The following FHIT variants were observed in gnomAD, a reference collection of about 807,000 sequenced individuals.
FHIT encodes the protein fragile histidine triad diadenosine triphosphatase.
A neutral mutation model predicts 17.9 loss-of-function variants in FHIT; 19 were observed. The observed-to-expected ratio is 1.06, with a 90% CI of 0.74 to 1.56. The LOEUF (loss-of-function observed/expected upper bound fraction) is 1.56, where lower values mean the gene tolerates loss of function less well. FHIT is among the 40% of genes most tolerant of loss of function. The pLI, the probability that FHIT is intolerant of heterozygous loss-of-function variation, is 0.00. For synonymous variants in FHIT, 81 were observed against 69.7 expected (o/e 1.16, Z -0.81); for missense variants, 248 against 189.2 (o/e 1.31, Z -1.82).
chr3:60,336,572 C>T (rs898538525), intron 5 of FHIT, among the ~76,000 whole-genome samples: 8 of 152,164 alleles, frequency 5.3e-5, no homozygotes, highest in Non-Finnish European at 8.8e-5. Flanking sequence ...CTAAATAGAT[C>T]TGTGCTATCC....
Position 60,193,947 on chromosome 3 carries a change from G to C in FHIT, c.104-179795C>G, listed in dbSNP as rs530700638. 4.6e-5 allele frequency among the ~76,000 whole-genome samples: 7 copies of C among 152,206 alleles called. No homozygotes were observed. The East Asian group carries it at 1.4e-3, about 29-fold the overall frequency. ...TAAAGAACTTGAAAGTATCATAGAC[G>C]ACACAAATGTGAAGACATCCAATGA... On this transcript the variant is annotated intron_variant, in intron 5 of 9. Transcript: ENST00000492590.
At chr3:60,717,694 C>T (rs912661359) in intron 4 of FHIT, among the ~76,000 whole-genome samples, 4 of 152,184 alleles carry the variant, frequency 2.6e-5, no homozygotes, top group Non-Finnish European at 5.9e-5. Flanking sequence ...TGTTCTTCAA[C>T]TTTATGTGCA....
At chr3:61,185,127 G>A (rs2038467374) in intron 2 of FHIT, among the ~76,000 whole-genome samples, 1 of 152,162 alleles carries the variant, frequency 6.6e-6, no homozygotes, top group Admixed American at 6.6e-5. Flanking sequence ...TCTAAGTTCT[G>A]TGTAGCATAT....
rs193295135 is a variant in FHIT, at chr3:61,022,032, C to T, written c.-111+20015G>A. 4.6e-5 allele frequency among the ~76,000 whole-genome samples: 7 copies of T among 152,028 alleles called. No individual in the cohort carries two copies. The East Asian group carries it at 1.4e-3, about 29-fold the overall frequency. On this transcript the variant is annotated intron_variant, in intron 3 of 9. Transcript: ENST00000492590. The stretch of plus-strand genomic sequence containing the variant: ...GAAGGAGATAGAGACACGAAAAACC[C>T]TTAAAAAAATCAACGAATCCAGTAG...
chr3:60,285,503 T>A (rs527871803), intron 5 of FHIT, among the ~76,000 whole-genome samples: 1 of 152,294 alleles, frequency 6.6e-6, no homozygotes, highest in South Asian at 2.1e-4. Flanking sequence ...TGTGATGGAT[T>A]TTTCACTTGT....
intron 4 of FHIT, among the ~76,000 whole-genome samples, chr3:60,767,129 G>A (rs1699883553): frequency 6.6e-6 from 1 of 152,056 alleles, no homozygotes; most frequent in Non-Finnish European, 1.5e-5. Flanking sequence ...TCTACCATTA[G>A]CTTAAAAAAC....
At position 59,926,992 on chromosome 3, in the gene FHIT, G is replaced by A. The variant is rs144986453; in HGVS notation, c.280-4578C>T. ...CTAATACATACCCAAGACAACTGAA[G>A]ACATATGTCCACACAAAAACTTGTA... On this transcript the variant is annotated intron_variant, in intron 7 of 9. Coordinates refer to ENST00000492590, the MANE Select transcript of FHIT (RefSeq NM_002012.4). Among the ~76,000 whole-genome samples, 953 of 152,232 alleles carry A rather than the reference G, an allele frequency of 6.3e-3. 14 individuals carry two copies. The highest frequency in any genetic ancestry group is 0.021 in the African/African-American group (883 of 41,536).
intron 5 of FHIT, among the ~76,000 whole-genome samples, chr3:60,123,993 T>G (rs1308308148): frequency 0.019 from 763 of 40,262 alleles, 7 homozygotes; most frequent in Non-Finnish European, 0.028. Context: ...TATATATATA[T>G]ATATATATAT....
chr3:60,905,299 T>C (rs1412800564), intron 3 of FHIT, among the ~76,000 whole-genome samples: 2 of 152,226 alleles, frequency 1.3e-5, no homozygotes, highest in Non-Finnish European at 2.9e-5. Context: ...CAATATACTC[T>C]ATTAGCAAAC....
At chr3:60,125,814 C>T (rs1705521454) in intron 5 of FHIT, among the ~76,000 whole-genome samples, 1 of 152,084 alleles carries the variant, frequency 6.6e-6, no homozygotes. Flanking sequence ...AGCTAACACA[C>T]AGTGAGTACA....
At chr3:60,023,783 A>G (rs995792101) in intron 5 of FHIT, among the ~76,000 whole-genome samples, 5 of 152,208 alleles carry the variant, frequency 3.3e-5, no homozygotes, top group African/African-American at 1.2e-4. Context: ...CTACACACAG[A>G]GCTTAACATA....
At chr3:60,194,932 G>A (rs542187776) in intron 5 of FHIT, among the ~76,000 whole-genome samples, 5 of 152,248 alleles carry the variant, frequency 3.3e-5, no homozygotes, top group East Asian at 1.9e-4. Flanking sequence ...TTAGGAGGCC[G>A]AGGAGGGTGG....
Position 59,766,313 on chromosome 3 carries a change from A to C in FHIT, c.349-13992T>G, listed in dbSNP as rs546790695. Among the ~76,000 whole-genome samples the C allele has an allele frequency of 7.2e-5, 11 of 152,358 alleles. No homozygotes were observed. In the South Asian group the frequency reaches 2.1e-3, roughly 29 times the overall value. On this transcript the variant is annotated intron_variant, in intron 8 of 9. Transcript: ENST00000492590. ...ACATCGGATGACCGCAGTTTTCCTCAAGATAGGAATCCAGCTCCCATTCCA... is the reference window on the plus strand; with the variant it reads ...ACATCGGATGACCGCAGTTTTCCTCCAGATAGGAATCCAGCTCCCATTCCA...
intron 4 of FHIT, among the ~76,000 whole-genome samples, chr3:60,703,815 G>T: frequency 6.6e-6 from 1 of 151,824 alleles, no homozygotes; most frequent in East Asian, 1.9e-4. Context: ...AAAACTATCT[G>T]GGCCTGGTGC....
intron 3 of FHIT, among the ~76,000 whole-genome samples, chr3:61,023,440 T>A (rs556233996): frequency 1.3e-5 from 2 of 152,256 alleles, no homozygotes; most frequent in South Asian, 2.1e-4. Context: ...ATAGATTCAA[T>A]GCCATCCCCA....
chr3:60,992,587 C>T (rs926146703), intron 3 of FHIT, among the ~76,000 whole-genome samples: 1 of 152,024 alleles, frequency 6.6e-6, no homozygotes, highest in Non-Finnish European at 1.5e-5. Context: ...GGCAAAGAAC[C>T]GCAGGGCAGG....
chr3:60,841,063 C>T (rs368705929), intron 3 of FHIT, among the ~76,000 whole-genome samples: 8 of 152,060 alleles, frequency 5.3e-5, no homozygotes, highest in African/African-American at 1.2e-4. Context: ...TCTTCTGTTT[C>T]GGGTCATTAT....
chr3:59,930,438 C>T (rs570593675), intron 7 of FHIT, among the ~76,000 whole-genome samples: 1 of 152,240 alleles, frequency 6.6e-6, no homozygotes, highest in East Asian at 1.9e-4. Context: ...GGGTGAGATA[C>T]CAGACAGATA....
At chr3:60,751,135 T>C (rs2042457651) in intron 4 of FHIT, among the ~76,000 whole-genome samples, 1 of 152,216 alleles carries the variant, frequency 6.6e-6, no homozygotes, top group Non-Finnish European at 1.5e-5. Context: ...CGAGAGTGGT[T>C]AGAACAACAG....
Sources: allele counts gnomAD v4.1 joint callset (sites outside exome capture counted in the v4.1 genomes callset), GRCh38; gene constraint gnomAD v4.1.1; transcripts MANE v1.5; gene names NCBI Gene and HGNC (gene_info 2026-07-23, HGNC 2026-07-21).